HMCN2: variants seen among roughly 807,000 people sequenced by gnomAD.
The protein encoded by HMCN2 is hemicentin 2.
In HMCN2, 325 loss-of-function variants were observed where a neutral mutation model predicts 377.5. That is an observed-to-expected ratio of 0.86 (90% confidence interval 0.79 to 0.94). The LOEUF is 0.94. Among genes scored for constraint, HMCN2 ranks in the 40% least tolerant of loss-of-function variants. The pLI, the probability that HMCN2 is intolerant of heterozygous loss-of-function variation, is 0.00. For missense variants in HMCN2, 4,543 were observed against 4,725.3 expected (o/e 0.96, Z 1.13); for synonymous variants, 2,007 against 2,046.8 (o/e 0.98, Z 0.53).
chr9:130,433,396 T>C lies in HMCN2; in HGVS notation c.14943T>C (p.Ser4981=), dbSNP rs776443465. Residue 4981 remains serine, a synonymous_variant, in exon 98 of 98, where the codon TCT becomes TCC. Coordinates refer to ENST00000683500, the MANE Select transcript of HMCN2 (RefSeq NM_001291815.2). The stretch of plus-strand genomic sequence containing the variant: ...AGGACTGCGGCACGGGCGGCCCCTC[T>C]ACGCTGCAGTACCGGCTGCTGCCGC... ...CSQDCGTGGP[S]TLQYRLLPLP... The C allele has an allele frequency of 6.7e-7, 1 of 1,488,198 alleles. No individual in the cohort carries two copies. Among genetic ancestry groups the C allele is most frequent in the South Asian group, 1.3e-5 (1 of 79,000 alleles). The allele number at this position is 1,488,198 out of a possible 1,614,324, so 92.2% of individuals were successfully genotyped here. A position where few individuals can be genotyped will look rare whatever the true frequency, so the allele number is the denominator to read the frequency against.
intron 6 of HMCN2, among the ~76,000 whole-genome samples, chr9:130,296,338 C>T (rs558094859): frequency 6.6e-6 from 1 of 152,270 alleles, no homozygotes; most frequent in South Asian, 2.1e-4. Context: ...ACTCTGAGCA[C>T]CTCTGAGCCA....
At chr9:130,385,207 G>A (rs1841957380) in intron 59 of HMCN2, among the ~76,000 whole-genome samples, 1 of 151,972 alleles carries the variant, frequency 6.6e-6, no homozygotes, top group Admixed American at 6.6e-5. Context: ...GGGGAAGGAG[G>A]GCTTCTACAT....
In HMCN2 at chr9:130,354,783, G is replaced by A. The variant is rs747353454; in HGVS notation, c.4885G>A (p.Ala1629Thr). The change falls in exon 32 of 98, where the codon GCC becomes ACC. Residue 1629 changes from alanine to threonine, a missense_variant. By Grantham distance (58) the Ala-to-Thr change is moderately conservative. Around this residue, in one of 5 missense-constraint regions of HMCN2, gnomAD observed 1,032 missense variants for 1,285.1 expected, o/e 0.80. Transcript: ENST00000683500. Reference protein sequence around the residue: ...DVYVPPTIEGAGGRPYVVKAV... With the variant: ...DVYVPPTIEGTGGRPYVVKAV... ...TCCAGTCCCACCTACCATCGAGGGC[G>A]CCGGTGGAAGACCATACGTGGTGAA... 30 of 1,301,840 alleles carry A rather than the reference G, an allele frequency of 2.3e-5. No individual in the cohort carries two copies. Among genetic ancestry groups the A allele is most frequent in the Admixed American group, 4.6e-5 (2 of 43,468 alleles). The allele number at this position is 1,301,840 out of a possible 1,614,324, so 80.6% of individuals were successfully genotyped here.
rs967651437 is a variant in HMCN2, at chr9:130,428,090, G to T, written c.14066-268G>T. Among the ~76,000 whole-genome samples, 1 of 152,214 alleles carries T rather than the reference G, an allele frequency of 6.6e-6. No homozygotes were observed. Among genetic ancestry groups the T allele is most frequent in the Non-Finnish European group, 1.5e-5 (1 of 68,040 alleles). ...CCTGGTGCTGCCAAGTCTCCGCTGG[G>T]CTCCAAGCCGGGTGCCCAAGGGGAC... On this transcript the variant is annotated intron_variant, in intron 92 of 97. Coordinates refer to ENST00000683500, the MANE Select transcript of HMCN2 (RefSeq NM_001291815.2). This position sits in a 1 kb window ranked among gnomAD's most constrained non-coding sequence, Gnocchi z 5.0.
In HMCN2 at chr9:130,394,100, C is replaced by A. The variant is rs2131685841; in HGVS notation, c.10501+92C>A. 1 of 1,118,558 alleles carries A rather than the reference C, an allele frequency of 8.9e-7. No homozygotes were observed. The highest frequency in any genetic ancestry group is 1.1e-6 in the Non-Finnish European group (1 of 879,350). 69.3% of individuals were successfully genotyped at this position (1,118,558 alleles called of 1,614,324 possible). ...GGGAAGGACAGTGAGGGAGGTGAGT[C>A]CCCTGGAGACCTGGGACTGCCACCT... On this transcript the variant is annotated intron_variant, in intron 68 of 97. Transcript: ENST00000683500. The surrounding 1 kb of genome is among the most constrained non-coding windows in gnomAD (Gnocchi z 5.1).
intron 46 of HMCN2, among the ~76,000 whole-genome samples, chr9:130,371,461 A>G (rs2131598177): frequency 6.6e-6 from 1 of 152,218 alleles, no homozygotes; most frequent in African/African-American, 2.4e-5. Flanking sequence ...ATCCCACAGA[A>G]CAGTAACAAG....
rs1358659285 is a variant in HMCN2, at chr9:130,391,996, G to A, written c.10014G>A (p.Glu3338=). The part of the protein sequence containing the change: ...GSGTLVSRPG[E]LVTMVCPVRG... ...GGACCCTGGTGAGCAGGCCTGGGGA[G>A]CTGGTGACCATGGTGTGCCCTGTGC... is the stretch of plus-strand genomic sequence containing the variant. The change falls in exon 66 of 98, where the codon GAG becomes GAA. Residue 3338 remains glutamate, a synonymous_variant. Transcript: ENST00000683500. 3.0e-6 allele frequency: 3 copies of A among 988,174 alleles called. No individual in the cohort carries two copies. The highest frequency in any genetic ancestry group is 6.1e-5 in the Admixed American group (1 of 16,282). The allele number at this position is 988,174 out of a possible 1,614,324, so 61.2% of individuals were successfully genotyped here.
Position 130,418,911 on chromosome 9 carries a change from G to A in HMCN2, c.13101G>A (p.Arg4367=). 1 of 1,549,482 alleles carries A rather than the reference G, an allele frequency of 6.5e-7. No individual in the cohort carries two copies. ...CGGGTCAACCCTTGCGGGCCAGCCG[G>A]CGGCTCCGGACCCTGCCCGATGGGA... ...LQAGQPLRAS[R]RLRTLPDGSL... is the part of the protein sequence containing the mutation. Residue 4367 remains arginine, a synonymous_variant, in exon 86 of 98, where the codon CGG becomes CGA. Transcript: ENST00000683500.
At chr9:130,386,131 T>A (rs1588366400) in intron 60 of HMCN2, among the ~76,000 whole-genome samples, 1 of 152,124 alleles carries the variant, frequency 6.6e-6, no homozygotes, top group African/African-American at 2.4e-5. Context: ...GTTGGATGAA[T>A]GTTTGCTGTC....
chr9:130,337,759 GT>G (rs1838830886), intron 22 of HMCN2, 134 bp from the exon 23 acceptor site: 2 of 151,136 alleles, frequency 1.3e-5, no homozygotes, highest in African/African-American at 4.9e-5. Flanking sequence ...GGAGGCGGGG[GT>G]GGGGGTAGAT....
rs375090249 is a variant in HMCN2, at chr9:130,406,217, G to A, written c.12553+49G>A. 5.5e-6 allele frequency: 7 copies of A among 1,276,100 alleles called. No homozygotes were observed. The East Asian group carries it at 2.2e-4, about 41-fold the overall frequency. 79.0% of individuals were successfully genotyped at this position (1,276,100 alleles called of 1,614,324 possible). A position where few individuals can be genotyped will look rare whatever the true frequency, so the allele number is the denominator to read the frequency against. ...GGGACAGAGAGCCAGGACACCGGGA[G>A]GTTAAGAAGGGAGGGCAGGTGGGGA... On this transcript the variant is annotated intron_variant, in intron 82 of 97. Coordinates refer to ENST00000683500, the MANE Select transcript of HMCN2 (RefSeq NM_001291815.2).
In HMCN2 at chr9:130,334,576, G is replaced by GC. The variant is rs878893222; in HGVS notation, c.3360-3314dup. ...TTTTTTTTTTTTTTTTTTTTCAGAA[G>GC]CCCCATTTCCTATCTTTTTAAGGGT... On this transcript the variant is annotated intron_variant, in intron 22 of 97. Transcript: ENST00000683500. 6.2e-5 allele frequency among the ~76,000 whole-genome samples: 5 copies of GC among 80,794 alleles called. No individual in the cohort carries two copies. The South Asian group carries it at 2.3e-3, about 38-fold the overall frequency. The allele number at this position is 80,794 out of a possible 152,430, so 53.0% of individuals were successfully genotyped here.
chr9:130,399,773 A>C, intron 76 of HMCN2, 141 bp downstream of exon 76: 1 of 484,326 alleles, frequency 2.1e-6, no homozygotes, highest in Non-Finnish European at 3.2e-6. Flanking sequence ...GGTCTCTCAG[A>C]TCCTGCTGGG....
chr9:130,399,250 C>CAAAA (rs35123847), intron 75 of HMCN2, among the ~76,000 whole-genome samples: 3 of 77,002 alleles, frequency 3.9e-5, no homozygotes, highest in Non-Finnish European at 5.8e-5. Context: ...GAGACTGTCT[C>CAAAA]AAAAAAAAAA....
At chr9:130,339,944 G>C (rs1234815638) in intron 23 of HMCN2, among the ~76,000 whole-genome samples, 1 of 152,246 alleles carries the variant, frequency 6.6e-6, no homozygotes, top group Admixed American at 6.5e-5. Context: ...CCTGGGCTCT[G>C]AGAAGTCTTT....
intron 86 of HMCN2, among the ~76,000 whole-genome samples, chr9:130,421,500 C>T (rs944524660): frequency 2.1e-4 from 32 of 152,280 alleles, no homozygotes; most frequent in Admixed American, 4.6e-4. Flanking sequence ...GAGGCTGCTA[C>T]GTCACTCCAT....
intron 3 of HMCN2, 118 bp downstream of exon 3, chr9:130,285,434 ACAGCCTTGGGTC>A: frequency 2.5e-6 from 1 of 396,066 alleles, no homozygotes; most frequent in East Asian, 7.2e-5. Context: ...CTTCTCTTCC[ACAGCCTTGGGTC>A]CAGCCTCTGC....
intron 26 of HMCN2, chr9:130,348,337 TG>T: frequency 1.6e-6 from 1 of 635,708 alleles, no homozygotes; most frequent in Non-Finnish European, 2.0e-6. Context: ...CACCTGGGCC[TG>T]GGCACGACTG....
At chr9:130,365,162 AT>A (rs1564820225) in intron 41 of HMCN2, among the ~76,000 whole-genome samples, 1 of 151,972 alleles carries the variant, frequency 6.6e-6, no homozygotes, top group African/African-American at 2.4e-5. Flanking sequence ...GAGCACTGCC[AT>A]TTGGTTTCCC....
Sources: gnomAD v4.1 joint callset for allele counts (sites outside exome capture counted in the v4.1 genomes callset) on GRCh38, gnomAD v4.1.1 for gene constraint, gnomAD v4.1.1 regional missense constraint, Gnocchi (gnomAD v3.1) non-coding constraint, MANE v1.5 for transcripts, NCBI Gene and HGNC (gene_info 2026-07-23, HGNC 2026-07-21) for gene names.